DIS3L: variants seen among roughly 807,000 people sequenced by gnomAD.
The protein encoded by DIS3L is DIS3-like exonuclease 1.
Under a neutral mutation model 120.3 loss-of-function variants are expected in DIS3L, and 100 were observed. The ratio of observed to expected loss-of-function variants is 0.83; its 90% CI spans 0.71 to 0.98. The LOEUF is 0.98. Among genes scored for constraint, DIS3L ranks in the 50% least tolerant of loss-of-function variants. The probability of loss-of-function intolerance (pLI) is 0.00; values close to 1 mark genes in which losing one functional copy is unlikely to be tolerated. For synonymous variants in DIS3L, 426 were observed against 470.6 expected (o/e 0.91, Z 1.23); for missense variants, 1,196 against 1,314.2 (o/e 0.91, Z 1.39).
In DIS3L at chr15:66,318,464, T is replaced by C. The variant is rs758884042; in HGVS notation, c.1010T>C (p.Ile337Thr). The C allele has an allele frequency of 1.2e-6, 2 of 1,614,012 alleles. No individual in the cohort carries two copies. Among genetic ancestry groups the C allele is most frequent in the African/African-American group, 2.7e-5 (2 of 75,036 alleles). Residue 337 changes from isoleucine (I) to threonine (T), a missense_variant, in exon 8 of 17, where the codon ATA becomes ACA. Coordinates refer to ENST00000319212, the MANE Select transcript of DIS3L (RefSeq NM_001143688.3). The part of the protein sequence containing the change: ...EPMPTGRVVG[I>T]LQKNWRDYVV... Reference sequence around the variant, plus strand: ...TTTGCCAAAGGTCGAGTGGTGGGCATACTTCAGAAGAACTGGCGGGATTAT... The same window carrying C: ...TTTGCCAAAGGTCGAGTGGTGGGCACACTTCAGAAGAACTGGCGGGATTAT...
intron 9 of DIS3L, among the ~76,000 whole-genome samples, chr15:66,321,405 G>A (rs1022270555): frequency 2.6e-5 from 4 of 151,986 alleles, no homozygotes; most frequent in African/African-American, 7.3e-5. Context: ...GTATATTGAC[G>A]TACCCTAGTT....
intron 14 of DIS3L, chr15:66,330,625 T>A (rs1000574112): frequency 5.1e-6 from 4 of 786,162 alleles, no homozygotes; most frequent in Non-Finnish European, 3.1e-6. Flanking sequence ...GGCCAGTGTC[T>A]CAGTCACACT....
chr15:66,328,974 A>G lies in DIS3L; in HGVS notation c.2206A>G (p.Asn736Asp), dbSNP rs1463936300. ...GGTTTTTCTGTTCTTTGTCAGGTCC[A>G]ATAAAACACTGGCTGATTCTCTGGA... Reference protein sequence around the residue: ...AKGFFIDTRSNKTLADSLDNA... With the variant: ...AKGFFIDTRSDKTLADSLDNA... Residue 736 changes from asparagine to aspartate, a missense_variant, in exon 13 of 17, where the codon AAT becomes GAT. Physicochemically the swap from Asn to Asp is conservative, Grantham distance 23 (BLOSUM62 1). Coordinates refer to ENST00000319212, the MANE Select transcript of DIS3L (RefSeq NM_001143688.3). The G allele has an allele frequency of 6.2e-7, 1 of 1,611,364 alleles. No individual in the cohort carries two copies. Among genetic ancestry groups the G allele is most frequent in the East Asian group, 2.2e-5 (1 of 44,884 alleles).
At chr15:66,306,649 C>T (rs1566939914) in intron 2 of DIS3L, 175 bp from the exon 3 acceptor site, 3 of 837,360 alleles carry the variant, frequency 3.6e-6, no homozygotes, top group Non-Finnish European at 5.2e-6. Flanking sequence ...AATCGAGAAA[C>T]AATAGCAGCC....
chr15:66,318,781 G>T lies in DIS3L; in HGVS notation c.1164+163G>T, dbSNP rs552607133. Reference sequence around the variant, plus strand: ...AAGATACTGGGATGTGTTTTTTGGGGTTTTTTTGTTGTTGTTCTTTTGTTT... The same window carrying T: ...AAGATACTGGGATGTGTTTTTTGGGTTTTTTTTGTTGTTGTTCTTTTGTTT... On this transcript the variant is annotated intron_variant, in intron 8 of 16. Coordinates refer to ENST00000319212, the MANE Select transcript of DIS3L (RefSeq NM_001143688.3). 5.9e-5 allele frequency among the ~76,000 whole-genome samples: 9 copies of T among 151,910 alleles called. No individual in the cohort carries two copies. The South Asian group carries it at 6.3e-4, about 11-fold the overall frequency.
intron 4 of DIS3L, among the ~76,000 whole-genome samples, chr15:66,309,094 A>AAAAAAAAAAAAAAAAAATATATATATAT: frequency 2.0e-4 from 3 of 15,316 alleles, no homozygotes; most frequent in Non-Finnish European, 3.6e-4. Context: ...AAAAAAAAAA[A>AAAAAAAAAAAAAAAAAATATATATATAT]ATATATATAT....
intron 5 of DIS3L, among the ~76,000 whole-genome samples, chr15:66,312,777 A>G (rs192441456): frequency 3.3e-5 from 5 of 152,308 alleles, no homozygotes; most frequent in East Asian, 1.9e-4. Flanking sequence ...CACCACCACA[A>G]TCAAGATACA....
At chr15:66,332,447 ACT>A (rs528463986) in intron 15 of DIS3L, among the ~76,000 whole-genome samples, 7,822 of 136,406 alleles carry the variant, frequency 0.057, 317 homozygotes, top group Middle Eastern at 0.13. Context: ...ACAGAGCAAG[ACT>A]CTGTCTCAAA....
intron 5 of DIS3L, among the ~76,000 whole-genome samples, chr15:66,312,651 G>A (rs1406296767): frequency 1.3e-5 from 2 of 152,152 alleles, no homozygotes; most frequent in African/African-American, 4.8e-5. Flanking sequence ...TCAGGGTCTT[G>A]GGAAGGAATC....
At position 66,293,722 on chromosome 15, in the gene DIS3L, C is replaced by T. The variant is rs972494086; in HGVS notation, c.126C>T (p.Ala42=). 4 of 1,309,630 alleles carry T rather than the reference C, an allele frequency of 3.1e-6. No homozygotes were observed. The highest frequency in any genetic ancestry group is 1.5e-5 in the African/African-American group (1 of 65,048). The allele number at this position is 1,309,630 out of a possible 1,614,324, so 81.1% of individuals were successfully genotyped here. A position where few individuals can be genotyped will look rare whatever the true frequency, so the allele number is the denominator to read the frequency against. ...PCHSPLCPQP[A]ACSHDGKLLS... is the part of the protein sequence containing the mutation. ...ACAGCCCGCTCTGCCCGCAGCCCGC[C>T]GCCTGCAGCCACGGTCAGGGCCGGG... Residue 42 remains alanine (A), a synonymous_variant, in exon 1 of 17, where the codon GCC becomes GCT. Transcript: ENST00000319212.
chr15:66,306,127 C>T (rs915350804), intron 2 of DIS3L, among the ~76,000 whole-genome samples: 3 of 152,108 alleles, frequency 2.0e-5, no homozygotes, highest in Non-Finnish European at 4.4e-5. Context: ...TACAGGTGCA[C>T]GCTACCACGC....
intron 2 of DIS3L, among the ~76,000 whole-genome samples, chr15:66,296,001 T>G (rs2092582846): frequency 6.6e-6 from 1 of 152,214 alleles, no homozygotes; most frequent in South Asian, 2.1e-4. Context: ...TATGCTCAGT[T>G]CAAAAAACAT....
In DIS3L at chr15:66,307,056, C is replaced by G. The variant is rs74833868; in HGVS notation, c.422+104C>G. Reference sequence around the variant, plus strand: ...TAAATAGTCTGCTAGAACAAACCAACAATTATTCTGGAACCATGATTAACA... The same window carrying G: ...TAAATAGTCTGCTAGAACAAACCAAGAATTATTCTGGAACCATGATTAACA... On this transcript the variant is annotated intron_variant, in intron 3 of 16. Transcript: ENST00000319212. 5.8e-3 allele frequency: 8,350 copies of G among 1,433,258 alleles called. 328 individuals are homozygous for G. The Admixed American group carries it at 0.081, about 14-fold the overall frequency. 88.8% of individuals were successfully genotyped at this position (1,433,258 alleles called of 1,614,324 possible). A position where few individuals can be genotyped will look rare whatever the true frequency, so the allele number is the denominator to read the frequency against.
At position 66,329,088 on chromosome 15, in the gene DIS3L, A is replaced by G; in HGVS notation, c.2320A>G (p.Thr774Ala). The G allele has an allele frequency of 6.2e-7, 1 of 1,614,024 alleles. No homozygotes were observed. ...CATGTCGAATGCTCTGTACTTCTCC[A>G]CCGGATCCTGTGCGGAGGAGGAGTT... is the stretch of plus-strand genomic sequence containing the variant. ...QAMSNALYFS[T>A]GSCAEEEFHH... Residue 774 changes from threonine (T) to alanine (A), a missense_variant, in exon 13 of 17, where the codon ACC (threonine) becomes GCC (alanine). Thr to Ala is a moderately conservative substitution (Grantham distance 58). Coordinates refer to ENST00000319212, the MANE Select transcript of DIS3L (RefSeq NM_001143688.3).
chr15:66,326,540 T>A, intron 12 of DIS3L, 176 bp downstream of exon 12: 2 of 720,790 alleles, frequency 2.8e-6, no homozygotes, highest in Non-Finnish European at 4.4e-6. Flanking sequence ...TATAGAGACT[T>A]AAAACAAGTT....
intron 2 of DIS3L, among the ~76,000 whole-genome samples, chr15:66,304,597 T>A (rs558157978): frequency 6.6e-6 from 1 of 152,170 alleles, no homozygotes; most frequent in Non-Finnish European, 1.5e-5. Context: ...ACTGAATCCC[T>A]TTGTTTATTA....
intron 2 of DIS3L, among the ~76,000 whole-genome samples, chr15:66,302,672 A>G (rs1166133279): frequency 6.6e-6 from 1 of 151,788 alleles, no homozygotes; most frequent in Non-Finnish European, 1.5e-5. Context: ...ACTCTTATTC[A>G]TCCTTCAGAG....
intron 2 of DIS3L, 168 bp from the exon 3 acceptor site, chr15:66,306,656 A>C (rs1460471139): frequency 4.1e-5 from 36 of 880,046 alleles, no homozygotes; most frequent in Non-Finnish European, 5.5e-5. Context: ...AAACAATAGC[A>C]GCCCGATAGG....
chr15:66,322,715 A>G lies in DIS3L; in HGVS notation c.1355A>G (p.Glu452Gly), dbSNP rs1184202043. 1 of 1,614,210 alleles carries G rather than the reference A, an allele frequency of 6.2e-7. No individual in the cohort carries two copies. The highest frequency in any genetic ancestry group is 8.5e-7 in the Non-Finnish European group (1 of 1,180,022). The stretch of plus-strand genomic sequence containing the variant: ...TGTGAGATGCCAGTAAACACACCAG[A>G]AAGTCCCTGGAAGGTGAGTCCTGAA... ...QMCEMPVNTP[E>G]SPWKVSPEEE... The change falls in exon 10 of 17, where the codon GAA becomes GGA. Residue 452 changes from glutamate to glycine, a missense_variant. Transcript: ENST00000319212.
Sources: gnomAD v4.1 joint callset for allele counts (sites outside exome capture counted in the v4.1 genomes callset) on GRCh38, gnomAD v4.1.1 for gene constraint, MANE v1.5 for transcripts, NCBI Gene and HGNC (gene_info 2026-07-23, HGNC 2026-07-21) for gene names.